The following FMN1 variants were observed in gnomAD, a reference collection of about 807,000 sequenced individuals.
FMN1 encodes formin 1, also known as formin-1.
A neutral mutation model predicts 132.4 loss-of-function variants in FMN1; 110 were observed. That is an observed-to-expected ratio of 0.83 (90% CI 0.71 to 0.97). The LOEUF (loss-of-function observed/expected upper bound fraction) is 0.97, where lower values mean the gene tolerates loss of function less well. FMN1 is among the 50% of genes least tolerant of loss of function. FMN1 has a pLI of 0.00. For synonymous variants in FMN1, 722 were observed against 651.7 expected (o/e 1.11, Z -1.64); for missense variants, 1,792 against 1,705.3 (o/e 1.05, Z -0.90).
intron 15 of FMN1, among the ~76,000 whole-genome samples, chr15:32,888,730 G>A (rs867908087): frequency 1.9e-4 from 29 of 152,084 alleles, no homozygotes; most frequent in African/African-American, 5.8e-4. Flanking sequence ...GGATAAGAAG[G>A]CACTGCAATG....
At chr15:32,861,558 G>A (rs1166329130) in intron 16 of FMN1, among the ~76,000 whole-genome samples, 2 of 152,210 alleles carry the variant, frequency 1.3e-5, no homozygotes, top group African/African-American at 4.8e-5. Context: ...CATACATAGT[G>A]ATTTGCAGAA....
Position 32,813,235 on chromosome 15 carries a change from C to T in FMN1, c.3929-8903G>A, listed in dbSNP as rs139703850. 6.0e-3 allele frequency among the ~76,000 whole-genome samples: 910 copies of T among 152,286 alleles called. 8 individuals carry two copies. The highest frequency in any genetic ancestry group is 6.2e-3 in the Non-Finnish European group (423 of 68,022). ...TAAGGGTCCTGGAACCAATCCTCCA[C>T]GGATACTGAGGGATGACCATAATCT... On this transcript the variant is annotated intron_variant, in intron 17 of 20. Transcript: ENST00000616417.
intron 4 of FMN1, among the ~76,000 whole-genome samples, chr15:33,133,959 T>A (rs1017821365): frequency 2.0e-5 from 3 of 152,146 alleles, no homozygotes; most frequent in Non-Finnish European, 2.9e-5. Flanking sequence ...TCATTTTATT[T>A]TTTATTTATT....
chr15:32,930,496 G>A (rs746922484), intron 9 of FMN1, among the ~76,000 whole-genome samples: 1 of 151,832 alleles, frequency 6.6e-6, no homozygotes, highest in African/African-American at 2.4e-5. Flanking sequence ...CTGGTGATTA[G>A]TGATGTTGAG....
At chr15:32,900,499 GT>G (rs2060268711) in intron 13 of FMN1, among the ~76,000 whole-genome samples, 1 of 152,278 alleles carries the variant, frequency 6.6e-6, no homozygotes, top group East Asian at 1.9e-4. Flanking sequence ...GTAGAAAGGG[GT>G]TTACCTTTTG....
intron 8 of FMN1, among the ~76,000 whole-genome samples, chr15:32,964,863 C>A (rs925081459): frequency 6.6e-6 from 1 of 152,112 alleles, no homozygotes. Flanking sequence ...ACAACAAAAA[C>A]CAACCAAAAA....
intron 4 of FMN1, among the ~76,000 whole-genome samples, chr15:33,145,195 T>C (rs1464808958): frequency 1.3e-5 from 2 of 152,052 alleles, no homozygotes; most frequent in Non-Finnish European, 2.9e-5. Context: ...AGGTGCCTCT[T>C]GATGCTTCCA....
At position 33,128,836 on chromosome 15, in the gene FMN1, G is replaced by A. The variant is rs370906973; in HGVS notation, c.1867+24212C>T. On this transcript the variant is annotated intron_variant, in intron 4 of 20. Transcript: ENST00000616417. ...AGCAAAATAACAAAGCCTCCGCAATGCGGAAGACAACCGGAGCAGACTGCA... is the reference window on the plus strand; with the variant it reads ...AGCAAAATAACAAAGCCTCCGCAATACGGAAGACAACCGGAGCAGACTGCA... Among the ~76,000 whole-genome samples the A allele has an allele frequency of 3.5e-3, 529 of 151,390 alleles. 16 individuals are homozygous for A. The East Asian group carries it at 0.084, about 24-fold the overall frequency.
chr15:32,927,446 G>A (rs989703587), intron 9 of FMN1, among the ~76,000 whole-genome samples: 4 of 152,066 alleles, frequency 2.6e-5, no homozygotes, highest in Non-Finnish European at 4.4e-5. Flanking sequence ...TTTTGTAGAG[G>A]TGAGGTCTCA....
intron 6 of FMN1, among the ~76,000 whole-genome samples, chr15:33,050,423 C>T (rs1404688918): frequency 6.6e-6 from 1 of 151,720 alleles, no homozygotes; most frequent in Non-Finnish European, 1.5e-5. Context: ...AAAGCTTCTT[C>T]AAATCAGTAA....
chr15:33,174,411 A>T (rs571978201), intron 3 of FMN1, among the ~76,000 whole-genome samples: 1 of 152,214 alleles, frequency 6.6e-6, no homozygotes, highest in African/African-American at 2.4e-5. Flanking sequence ...GAAAGAGCAT[A>T]TGCTTGGATG....
intron 17 of FMN1, among the ~76,000 whole-genome samples, chr15:32,855,005 T>G (rs1567275905): frequency 2.0e-5 from 3 of 151,404 alleles, no homozygotes; most frequent in Admixed American, 1.3e-4. Flanking sequence ...GGACAGAGTG[T>G]AGGAGTATAC....
intron 6 of FMN1, 137 bp downstream of exon 6, chr15:33,064,820 A>G (rs1450223846): frequency 1.5e-5 from 9 of 586,358 alleles, no homozygotes; most frequent in Non-Finnish European, 2.7e-5. Context: ...CTTTAACAGC[A>G]AAACCAAAAA....
intron 9 of FMN1, among the ~76,000 whole-genome samples, chr15:32,949,998 C>CATACACATATAT (rs2061602558): frequency 3.1e-4 from 2 of 6,540 alleles, no homozygotes; most frequent in East Asian, 3.6e-3. Context: ...TATATATACA[C>CATACACATATAT]ATACACATAT....
In FMN1 at chr15:32,770,530, G is replaced by A. The variant is rs559673154; in HGVS notation, c.*3780C>T. 2 of 152,272 alleles carry A rather than the reference G, an allele frequency of 1.3e-5. No individual in the cohort carries two copies. Among genetic ancestry groups the A allele is most frequent in the South Asian group, 2.1e-4 (1 of 4,818 alleles). 9.4% of individuals were successfully genotyped at this position (152,272 alleles called of 1,614,324 possible). A position where few individuals can be genotyped will look rare whatever the true frequency, so the allele number is the denominator to read the frequency against. ...CGTACCAATGACTTATCTTACTGGA[G>A]GTGTTAATACCACCAACATATTTTA... On this transcript the variant is annotated 3_prime_UTR_variant, in exon 21 of 21. Transcript: ENST00000616417.
At chr15:32,996,716 A>G (rs957572343) in intron 7 of FMN1, among the ~76,000 whole-genome samples, 1 of 152,074 alleles carries the variant, frequency 6.6e-6, no homozygotes, top group Non-Finnish European at 1.5e-5. Flanking sequence ...AAGCACACAT[A>G]ATGTTACGCG....
chr15:32,927,559 TTAAAATTATTTTTTA>T (rs1469639397), intron 9 of FMN1, among the ~76,000 whole-genome samples: 1 of 152,222 alleles, frequency 6.6e-6, no homozygotes, highest in Admixed American at 6.5e-5. Context: ...ACACTTGGCC[TTAAAATTATTTTTTA>T]TAATACTATG....
At chr15:32,947,754 C>T (rs775071213) in intron 9 of FMN1, among the ~76,000 whole-genome samples, 27 of 151,966 alleles carry the variant, frequency 1.8e-4, no homozygotes, top group Non-Finnish European at 2.9e-4. Flanking sequence ...TATTTTATGT[C>T]CCTCTAATGG....
intron 7 of FMN1, among the ~76,000 whole-genome samples, chr15:33,007,241 G>A (rs1256793113): frequency 6.6e-6 from 1 of 152,114 alleles, no homozygotes; most frequent in African/African-American, 2.4e-5. Context: ...TCCACAGATT[G>A]ATTAAATTAG....
Sources: allele counts gnomAD v4.1 joint callset (sites outside exome capture counted in the v4.1 genomes callset), GRCh38; gene constraint gnomAD v4.1.1; transcripts MANE v1.5; gene names NCBI Gene and HGNC (gene_info 2026-07-23, HGNC 2026-07-21).